Variants in APC observed in about 807,000 individuals in gnomAD.
APC encodes the protein adenomatous polyposis coli protein.
APC carries 72 observed loss-of-function variants against 247.0 expected under a neutral mutation model. That is an observed-to-expected ratio of 0.29 (90% CI 0.24 to 0.35). APC has a LOEUF of 0.35. Among genes scored for constraint, APC ranks in the 10% least tolerant of loss-of-function variants. The pLI, the probability that APC is intolerant of heterozygous loss-of-function variation, is 1.00. For synonymous variants in APC, 1,254 were observed against 1,162.5 expected (o/e 1.08, Z -1.60); for missense variants, 3,400 against 3,360.7 (o/e 1.01, Z -0.29).
At chr5:112,836,165 T>TGC (rs1554083526) in intron 15 of APC, among the ~76,000 whole-genome samples, 1 of 24,492 alleles carries the variant, frequency 4.1e-5, no homozygotes. Context: ...GGATTACAGG[T>TGC]CCCCCCCCCC....
Position 112,844,027 on chromosome 5 carries a change from C to T in APC, c.8433C>T (p.Asn2811=), listed in dbSNP as rs864622247. The part of the protein sequence containing the change: ...RPSQIPTPVN[N]NTKKRDSKTD... ...CTCAGATCCCAACTCCAGTGAATAA[C>T]AACACAAAGAAGCGAGATTCCAAAA... Residue 2811 remains asparagine, a synonymous_variant, in exon 16 of 16, where the codon AAC becomes AAT. Coordinates refer to ENST00000257430, the MANE Select transcript of APC (RefSeq NM_000038.6). 6.2e-7 allele frequency: 1 copy of T among 1,602,354 alleles called. No individual in the cohort carries two copies. Among genetic ancestry groups the T allele is most frequent in the Non-Finnish European group, 8.5e-7 (1 of 1,176,532 alleles).
chr5:112,802,536 A>G (rs1383272836), intron 8 of APC, among the ~76,000 whole-genome samples: 1 of 152,158 alleles, frequency 6.6e-6, no homozygotes, highest in African/African-American at 2.4e-5. Context: ...TCCAATTATT[A>G]TGTACTTTGG....
chr5:112,806,844 C>G, intron 8 of APC, among the ~76,000 whole-genome samples: 1 of 152,130 alleles, frequency 6.6e-6, no homozygotes, highest in East Asian at 1.9e-4. Flanking sequence ...TCCCAAAGTG[C>G]TACGATTGGC....
At chr5:112,796,519 A>G (rs947734185) in intron 7 of APC, among the ~76,000 whole-genome samples, 15 of 152,304 alleles carry the variant, frequency 9.8e-5, no homozygotes, top group East Asian at 1.9e-4. Context: ...GCAGTTTAAC[A>G]TGACTGTCTT....
chr5:112,839,325 A>C lies in APC; in HGVS notation c.3731A>C (p.Gln1244Pro). The change falls in exon 16 of 16, where the codon CAA (glutamine) becomes CCA (proline). Residue 1244 changes from glutamine (Q) to proline (P), a missense_variant. Physicochemically the swap from Gln to Pro is moderately conservative, Grantham distance 76 (BLOSUM62 -1). This residue lies in a region of APC where 715 missense variants were observed against 656.6 expected (regional missense o/e 1.09). Transcript: ENST00000257430. The surrounding 1 kb of genome is among the most constrained non-coding windows in gnomAD (Gnocchi z 5.0). ...SSAQSRSGQPQKAATCKVSSI... is the reference protein window; with the variant it reads ...SSAQSRSGQPPKAATCKVSSI... The stretch of plus-strand genomic sequence containing the variant: ...GCACAGAGTAGAAGTGGTCAGCCTC[A>C]AAAGGCTGCCACTTGCAAAGTTTCT... 2 of 1,613,382 alleles carry C rather than the reference A, an allele frequency of 1.2e-6. No individual in the cohort carries two copies. The highest frequency in any genetic ancestry group is 1.7e-6 in the Non-Finnish European group (2 of 1,179,644).
At chr5:112,792,637 C>A in intron 7 of APC, 108 bp downstream of exon 7, 1 of 798,936 alleles carries the variant, frequency 1.3e-6, no homozygotes, top group Admixed American at 2.2e-5. Context: ...GATGTTCTTT[C>A]AGAGAATTTA....
chr5:112,809,219 G>A (rs1048456756), intron 8 of APC, among the ~76,000 whole-genome samples: 24 of 151,398 alleles, frequency 1.6e-4, no homozygotes, highest in Non-Finnish European at 2.7e-4. Flanking sequence ...AAAATTAGGC[G>A]TGGTGGCATG....
At chr5:112,813,026 A>G (rs1205234155) in intron 8 of APC, among the ~76,000 whole-genome samples, 1 of 152,166 alleles carries the variant, frequency 6.6e-6, no homozygotes, top group African/African-American at 2.4e-5. Flanking sequence ...TAGAGACTGG[A>G]AAGGGGAGCC....
In APC at chr5:112,839,510, G is replaced by A. The variant is rs121913462; in HGVS notation, c.3916G>A (p.Glu1306Lys). The A allele has an allele frequency of 1.9e-6, 3 of 1,614,064 alleles. No homozygotes were observed. The highest frequency in any genetic ancestry group is 2.7e-5 in the African/African-American group (2 of 74,932). The change falls in exon 16 of 16, where the codon GAA (glutamate) becomes AAA (lysine). Residue 1306 changes from glutamate to lysine, a missense_variant. By Grantham distance (56) the Glu-to-Lys change is moderately conservative. Transcript: ENST00000257430. This position sits in a 1 kb window ranked among gnomAD's most constrained non-coding sequence, Gnocchi z 5.0. Reference sequence around the variant, plus strand: ...TTCTGCTAATACCCTGCAAATAGCAGAAATAAAAGAAAAGATTGGAACTAG... The same window carrying A: ...TTCTGCTAATACCCTGCAAATAGCAAAAATAAAAGAAAAGATTGGAACTAG... Reference protein sequence around the residue: ...ADSANTLQIAEIKEKIGTRSA... With the variant: ...ADSANTLQIAKIKEKIGTRSA...
At chr5:112,717,732 T>C (rs1188837142) in intron 1 of APC, among the ~76,000 whole-genome samples, 2 of 152,092 alleles carry the variant, frequency 1.3e-5, no homozygotes, top group Non-Finnish European at 2.9e-5. Context: ...CATCGGATTC[T>C]TTGGGCTGTG....
intron 8 of APC, among the ~76,000 whole-genome samples, chr5:112,811,620 A>G (rs1761991716): frequency 6.6e-6 from 1 of 152,194 alleles, no homozygotes; most frequent in Admixed American, 6.5e-5. Context: ...GAAGATAACT[A>G]AGACTGAAGC....
Position 112,841,775 on chromosome 5 carries a change from G to A in APC, c.6181G>A (p.Glu2061Lys), listed in dbSNP as rs762769064. 6.2e-7 allele frequency: 1 copy of A among 1,614,042 alleles called. No individual in the cohort carries two copies. Among genetic ancestry groups the A allele is most frequent in the Non-Finnish European group, 8.5e-7 (1 of 1,179,940 alleles). Reference sequence around the variant, plus strand: ...GCCTTCAAGACTCAAGGGTGATAATGAAAAACATAGTCCCAGAAATATGGG... The same window carrying A: ...GCCTTCAAGACTCAAGGGTGATAATAAAAAACATAGTCCCAGAAATATGGG... Reference protein sequence around the residue: ...KKPSRLKGDNEKHSPRNMGGI... With the variant: ...KKPSRLKGDNKKHSPRNMGGI... The change falls in exon 16 of 16, where the codon GAA becomes AAA. Residue 2061 changes from glutamate (E) to lysine (K), a missense_variant. Glu to Lys is a moderately conservative substitution (Grantham distance 56). Transcript: ENST00000257430. The surrounding 1 kb of genome is among the most constrained non-coding windows in gnomAD (Gnocchi z 4.6).
At position 112,728,209 on chromosome 5, in the gene APC, C is replaced by A. The variant is rs568056131; in HGVS notation, c.165+20327C>A. Among the ~76,000 whole-genome samples, 5 of 152,130 alleles carry A rather than the reference C, an allele frequency of 3.3e-5. No individual in the cohort carries two copies. The South Asian group carries it at 1.0e-3, about 31-fold the overall frequency. On this transcript the variant is annotated intron_variant, in intron 1 of 13. Coordinates refer to the APC transcript ENST00000507379. ...GTGTTGTGATCTCAGCTCACTGCAG[C>A]CTCCACCTCCTGGGTTCAAGCGATT...
chr5:112,824,159 C>G (rs1019485829), intron 11 of APC, among the ~76,000 whole-genome samples: 1 of 152,164 alleles, frequency 6.6e-6, no homozygotes, highest in Non-Finnish European at 1.5e-5. Flanking sequence ...GGTAGTTTTA[C>G]CCTATTGGGC....
At chr5:112,789,563 T>G (rs1050398406) in intron 6 of APC, among the ~76,000 whole-genome samples, 1 of 152,182 alleles carries the variant, frequency 6.6e-6, no homozygotes, top group African/African-American at 2.4e-5. Context: ...AGATATAATT[T>G]CCTATTTTCA....
chr5:112,726,289 A>C (rs1751772475), intron 1 of APC, among the ~76,000 whole-genome samples: 2 of 152,124 alleles, frequency 1.3e-5, no homozygotes, highest in Admixed American at 1.3e-4. Context: ...TTGAAGGATG[A>C]ATGCATGGGT....
chr5:112,783,425 A>G (rs1561489281), intron 6 of APC, among the ~76,000 whole-genome samples: 1 of 152,126 alleles, frequency 6.6e-6, no homozygotes, highest in Non-Finnish European at 1.5e-5. Context: ...AAAGGCAAAT[A>G]ATGGAAATGT....
rs1360518985 is a variant in APC, at chr5:112,846,077, A to G, written c.*1951A>G. Reference sequence around the variant, plus strand: ...ACTTGAGCTAAGATATTTGACTCCAATGCCTGTACTGTGTCTACTGCACCA... The same window carrying G: ...ACTTGAGCTAAGATATTTGACTCCAGTGCCTGTACTGTGTCTACTGCACCA... On this transcript the variant is annotated 3_prime_UTR_variant, in exon 16 of 16. Transcript: ENST00000257430. The G allele has an allele frequency of 3.4e-5, 8 of 232,102 alleles. No individual in the cohort carries two copies. The highest frequency in any genetic ancestry group is 2.8e-4 in the Admixed American group (5 of 17,744). The allele number at this position is 232,102 out of a possible 1,614,324, so 14.4% of individuals were successfully genotyped here.
intron 1 of APC, among the ~76,000 whole-genome samples, chr5:112,712,667 G>C (rs1012399241): frequency 2.6e-5 from 4 of 151,878 alleles, no homozygotes; most frequent in African/African-American, 7.3e-5. Flanking sequence ...TGGGACTGCA[G>C]GCATGAGCCA....
Sources: allele counts gnomAD v4.1 joint callset (sites outside exome capture counted in the v4.1 genomes callset), GRCh38; gene constraint gnomAD v4.1.1; regional missense constraint gnomAD v4.1.1; non-coding constraint Gnocchi (gnomAD v3.1); transcripts MANE v1.5; gene names NCBI Gene and HGNC (gene_info 2026-07-23, HGNC 2026-07-21).